CCND2: variants seen among roughly 807,000 people sequenced by gnomAD.
The protein encoded by CCND2 is cyclin D2.
Under a neutral mutation model 30.2 loss-of-function variants are expected in CCND2, and 6 were observed. The observed-to-expected ratio is 0.20, with a 90% CI of 0.11 to 0.39. The LOEUF (loss-of-function observed/expected upper bound fraction) is 0.39. Ranked by LOEUF, CCND2 falls within the 10% of genes least tolerant of loss-of-function variation. The probability of loss-of-function intolerance (pLI) is 1.00; values close to 1 mark genes in which losing one functional copy is unlikely to be tolerated. For synonymous variants in CCND2, 150 were observed against 153.1 expected, an observed-to-expected ratio of 0.98 and a Z score of 0.15; for missense variants, 235 against 373.4, an observed-to-expected ratio of 0.63 and a Z score of 3.06.
At chr12:4,279,992 A>G (rs11063072) in intron 3 of CCND2, among the ~76,000 whole-genome samples, 8,967 of 151,478 alleles carry the variant, frequency 0.059, 906 homozygotes, top group East Asian at 0.3. Flanking sequence ...GATGTAGTGC[A>G]TATGCCCTGT....
intron 4 of CCND2, among the ~76,000 whole-genome samples, chr12:4,297,323 G>A (rs1864184354): frequency 6.6e-6 from 1 of 152,110 alleles, no homozygotes; most frequent in Non-Finnish European, 1.5e-5. Flanking sequence ...TGTAATCCCA[G>A]TACTTCGGGA....
intron 4 of CCND2, among the ~76,000 whole-genome samples, chr12:4,295,361 C>T (rs934269941): frequency 2.6e-5 from 4 of 152,156 alleles, no homozygotes; most frequent in African/African-American, 9.7e-5. Context: ...AGAGGGTTAG[C>T]GTCCTGCCTT....
chr12:4,284,117 C>T (rs1295770715), intron 3 of CCND2, among the ~76,000 whole-genome samples: 1 of 152,166 alleles, frequency 6.6e-6, no homozygotes, highest in Non-Finnish European at 1.5e-5. Flanking sequence ...CGGAACTCCC[C>T]ACCACAGTCC....
intron 4 of CCND2, among the ~76,000 whole-genome samples, chr12:4,296,518 G>C (rs191188561): frequency 6.6e-6 from 1 of 152,188 alleles, no homozygotes; most frequent in Non-Finnish European, 1.5e-5. Context: ...GTGTGCACAC[G>C]CACACACACG....
Position 4,302,996 on chromosome 12 carries a change from G to A in CCND2, c.*2987G>A. The A allele has an allele frequency of 4.3e-6, 1 of 233,304 alleles. No homozygotes were observed. Among genetic ancestry groups the A allele is most frequent in the Non-Finnish European group, 8.5e-6 (1 of 118,072 alleles). 14.5% of individuals were successfully genotyped at this position (233,304 alleles called of 1,614,324 possible). On this transcript the variant is annotated 3_prime_UTR_variant, in exon 5 of 5. Transcript: ENST00000261254. ...GAGTCCCACGGAATGGGGAAAGCGG[G>A]AACCCTGGAGTTCTTGGGAATCTTG...
At chr12:4,284,605 G>A (rs763914200) in intron 3 of CCND2, among the ~76,000 whole-genome samples, 1 of 152,178 alleles carries the variant, frequency 6.6e-6, no homozygotes, top group Non-Finnish European at 1.5e-5. Flanking sequence ...CAAGCTCCGT[G>A]CACTCCACGT....
chr12:4,279,517 C>T (rs993660009), intron 3 of CCND2, among the ~76,000 whole-genome samples: 12 of 151,976 alleles, frequency 7.9e-5, no homozygotes, highest in African/African-American at 2.4e-4. Context: ...ACTTTCTGAG[C>T]GCTGGGTTCT....
chr12:4,278,605 A>C (rs1207290135), intron 2 of CCND2, 155 bp from the exon 3 acceptor site: 3 of 589,648 alleles, frequency 5.1e-6, no homozygotes, highest in Non-Finnish European at 8.9e-6. Context: ...TCAAAGCTTC[A>C]GGGGCACATT....
chr12:4,279,977 C>T (rs1863926876), intron 3 of CCND2, among the ~76,000 whole-genome samples: 1 of 151,402 alleles, frequency 6.6e-6, no homozygotes, highest in Non-Finnish European at 1.5e-5. Context: ...GATTATATAA[C>T]GTACGATGTA....
rs1212198982 is a variant in CCND2, at chr12:4,299,224, G to T, written c.721-636G>T. Among the ~76,000 whole-genome samples, 1 of 152,232 alleles carries T rather than the reference G, an allele frequency of 6.6e-6. No homozygotes were observed. ...AAAATACAAAAATTAGCCAGGCGCGGTGGCGGGTGCCTGTAGTCCCAGCTA... is the reference window on the plus strand; with the variant it reads ...AAAATACAAAAATTAGCCAGGCGCGTTGGCGGGTGCCTGTAGTCCCAGCTA... On this transcript the variant is annotated intron_variant, in intron 4 of 4. Transcript: ENST00000261254. The surrounding 1 kb of genome is among the most constrained non-coding windows in gnomAD (Gnocchi z 5.2).
At chr12:4,292,592 C>T (rs1037021550) in intron 4 of CCND2, among the ~76,000 whole-genome samples, 6 of 152,114 alleles carry the variant, frequency 3.9e-5, no homozygotes, top group African/African-American at 1.2e-4. Context: ...TTTGTTGCTC[C>T]GTCTGGTTGC....
chr12:4,279,876 T>G (rs1863925515), intron 3 of CCND2, among the ~76,000 whole-genome samples: 1 of 151,450 alleles, frequency 6.6e-6, no homozygotes, highest in Non-Finnish European at 1.5e-5. Context: ...ACCTCAAATT[T>G]GCCAAGAGTA....
At chr12:4,275,961 G>T in intron 1 of CCND2, 44 bp from the exon 2 acceptor site, 23 of 1,149,812 alleles carry the variant, frequency 2.0e-5, no homozygotes, top group East Asian at 5.1e-5. Context: ...CTGATGCTAT[G>T]CTCTCCACCC....
intron 4 of CCND2, among the ~76,000 whole-genome samples, chr12:4,290,752 A>T (rs3217868): frequency 2.0e-5 from 3 of 151,926 alleles, no homozygotes; most frequent in South Asian, 4.1e-4. Flanking sequence ...GTTGCTGCTG[A>T]GTCTCTTGGC....
At position 4,304,597 on chromosome 12, in the gene CCND2, G is replaced by T. The variant is rs1272985916; in HGVS notation, c.*4588G>T. The T allele has an allele frequency of 3.4e-5, 8 of 233,720 alleles. No homozygotes were observed. Among genetic ancestry groups the T allele is most frequent in the Non-Finnish European group, 5.9e-5 (7 of 118,044 alleles). 14.5% of individuals were successfully genotyped at this position (233,720 alleles called of 1,614,324 possible). A position where few individuals can be genotyped will look rare whatever the true frequency, so the allele number is the denominator to read the frequency against. The stretch of plus-strand genomic sequence containing the variant: ...TCAGGCACAACGATACTACATTCGT[G>T]TGTGTCTGCTTTTAAACTTGGCTGG... On this transcript the variant is annotated 3_prime_UTR_variant, in exon 5 of 5. Transcript: ENST00000261254. This position sits in a 1 kb window ranked among gnomAD's most constrained non-coding sequence, Gnocchi z 6.2.
Position 4,301,071 on chromosome 12 carries a change from C to T in CCND2, c.*1062C>T, listed in dbSNP as rs1367955640. 2 of 233,500 alleles carry T rather than the reference C, an allele frequency of 8.6e-6. No individual in the cohort carries two copies. Among genetic ancestry groups the T allele is most frequent in the Admixed American group, 1.1e-4 (2 of 17,764 alleles). 14.5% of individuals were successfully genotyped at this position (233,500 alleles called of 1,614,324 possible). On this transcript the variant is annotated 3_prime_UTR_variant, in exon 5 of 5. Transcript: ENST00000261254. ...CTCTTCTCTTTTGCCCCCTCCCTTC[C>T]TGCCCCCAGTCTGGGTTACTCTTCG...
At position 4,274,293 on chromosome 12, in the gene CCND2, C is replaced by A. The variant is rs754626676; in HGVS notation, c.195+58C>A. On this transcript the variant is annotated intron_variant, in intron 1 of 4. Transcript: ENST00000261254. The surrounding 1 kb of genome is among the most constrained non-coding windows in gnomAD (Gnocchi z 7.7). Reference sequence around the variant, plus strand: ...GGACCCCTCCGGATGCTCGGGTCCCCGGCCGGAGCCCTAAACCTGGGAGAG... The same window carrying A: ...GGACCCCTCCGGATGCTCGGGTCCCAGGCCGGAGCCCTAAACCTGGGAGAG... 5 of 1,566,358 alleles carry A rather than the reference C, an allele frequency of 3.2e-6. No homozygotes were observed. The highest frequency in any genetic ancestry group is 1.1e-5 in the South Asian group (1 of 87,892).
At position 4,299,312 on chromosome 12, in the gene CCND2, A is replaced by C. The variant is rs1183511784; in HGVS notation, c.721-548A>C. 6.6e-6 allele frequency among the ~76,000 whole-genome samples: 1 copy of C among 152,180 alleles called. No homozygotes were observed. Among genetic ancestry groups the C allele is most frequent in the Non-Finnish European group, 1.5e-5 (1 of 68,028 alleles). ...AAGGTGGAGGTTGCAGTGAGCCGAG[A>C]TTGTGCCAGTGCACTCCAGCCTGGG... On this transcript the variant is annotated intron_variant, in intron 4 of 4. Transcript: ENST00000261254. This position sits in a 1 kb window ranked among gnomAD's most constrained non-coding sequence, Gnocchi z 5.2.
Position 4,303,975 on chromosome 12 carries a change from A to G in CCND2, c.*3966A>G. 2 of 233,356 alleles carry G rather than the reference A, an allele frequency of 8.6e-6. No individual in the cohort carries two copies. Among genetic ancestry groups the G allele is most frequent in the Non-Finnish European group, 1.7e-5 (2 of 118,100 alleles). 14.5% of individuals were successfully genotyped at this position (233,356 alleles called of 1,614,324 possible). On this transcript the variant is annotated 3_prime_UTR_variant, in exon 5 of 5. Transcript: ENST00000261254. The surrounding 1 kb of genome is among the most constrained non-coding windows in gnomAD (Gnocchi z 4.6). ...CACGCTGCATCCCATTGCTAGCAGG[A>G]TTGGCAACTCTTCAGACGGAGCTGC...
Sources: gnomAD v4.1 joint callset for allele counts (sites outside exome capture counted in the v4.1 genomes callset) on GRCh38, gnomAD v4.1.1 for gene constraint, Gnocchi (gnomAD v3.1) non-coding constraint, MANE v1.5 for transcripts, NCBI Gene and HGNC (gene_info 2026-07-23, HGNC 2026-07-21) for gene names.